ZNF616: variants seen among roughly 807,000 people sequenced by gnomAD.
ZNF616 encodes the protein zinc finger protein 616.
ZNF616 carries 5 observed loss-of-function variants against 7.6 expected under a neutral mutation model. The ratio of observed to expected loss-of-function variants is 0.66; its 90% CI spans 0.34 to 1.38. The LOEUF is 1.38. Among genes scored for constraint, ZNF616 ranks in the 40% most tolerant of loss-of-function variants. ZNF616 has a pLI of 0.04. For synonymous variants in ZNF616, 319 were observed against 317.2 expected, an observed-to-expected ratio of 1.01 and a Z score of -0.06; for missense variants, 913 against 948.3, an observed-to-expected ratio of 0.96 and a Z score of 0.49.
Position 52,124,003 on chromosome 19 carries a change from T to C in ZNF616, c.59A>G (p.Glu20Gly). Reference sequence around the variant, plus strand: ...CTGCACAGGCTCCAGGCATTTCCACTCCTCCTGAGAGAATTCTATGGCTAC... The same window carrying C: ...CTGCACAGGCTCCAGGCATTTCCACCCCTCCTGAGAGAATTCTATGGCTAC... ...KDVAIEFSQE[E>G]WKCLEPVQKA... The change falls in exon 3 of 4, where the codon GAG becomes GGG. Residue 20 changes from glutamate to glycine, a missense_variant. Coordinates refer to ENST00000600228, the MANE Select transcript of ZNF616 (RefSeq NM_178523.5). 14 of 1,613,340 alleles carry C rather than the reference T, an allele frequency of 8.7e-6. No individual in the cohort carries two copies. Among genetic ancestry groups the C allele is most frequent in the Non-Finnish European group, 1.2e-5 (14 of 1,179,854 alleles).
intron 2 of ZNF616, among the ~76,000 whole-genome samples, chr19:52,125,046 T>C (rs1228854595): frequency 1.3e-5 from 2 of 152,100 alleles, no homozygotes; most frequent in Admixed American, 6.6e-5. Flanking sequence ...CTCATAATAC[T>C]TGGAGATTGG....
intron 1 of ZNF616, among the ~76,000 whole-genome samples, chr19:52,134,057 G>A (rs1354282536): frequency 6.6e-6 from 1 of 152,058 alleles, no homozygotes; most frequent in South Asian, 2.1e-4. Context: ...GCATTATTTT[G>A]TTCATTTTTA....
At position 52,120,759 on chromosome 19, in the gene ZNF616, A is replaced by C. The variant is rs141930269; in HGVS notation, c.139+3164T>G. Among the ~76,000 whole-genome samples, 17 of 152,346 alleles carry C rather than the reference A, an allele frequency of 1.1e-4. No homozygotes were observed. The East Asian group carries it at 3.1e-3, about 28-fold the overall frequency. On this transcript the variant is annotated intron_variant, in intron 3 of 3. Coordinates refer to ENST00000600228, the MANE Select transcript of ZNF616 (RefSeq NM_178523.5). ...ATAATTAAAGGGTTAATTCACTAGAAGATATACCAATTATAGTTATATATG... is the reference window on the plus strand; with the variant it reads ...ATAATTAAAGGGTTAATTCACTAGACGATATACCAATTATAGTTATATATG...
chr19:52,133,390 T>C (rs1477210013), intron 1 of ZNF616, among the ~76,000 whole-genome samples: 1 of 152,200 alleles, frequency 6.6e-6, no homozygotes, highest in Non-Finnish European at 1.5e-5. Context: ...TTACACTTTA[T>C]AATAGGCCAA....
intron 3 of ZNF616, among the ~76,000 whole-genome samples, chr19:52,117,265 A>G (rs2088834002): frequency 6.6e-6 from 1 of 152,228 alleles, no homozygotes; most frequent in African/African-American, 2.4e-5. Context: ...TCCTATGACC[A>G]AAAGACTTAT....
At position 52,139,757 on chromosome 19, in the gene ZNF616, G is replaced by T. The variant is rs1217429875; in HGVS notation, c.-102C>A. On this transcript the variant is annotated 5_prime_UTR_variant, in exon 1 of 4. Transcript: ENST00000600228. This position sits in a 1 kb window ranked among gnomAD's most constrained non-coding sequence, Gnocchi z 4.1. ...GTGGGGAGAAGTGCCTGTTGCAGGG[G>T]CGAAGGGGCTATGGGTATTTTAAGG... 1.3e-5 allele frequency: 2 copies of T among 152,380 alleles called. No homozygotes were observed. Among genetic ancestry groups the T allele is most frequent in the Admixed American group, 6.5e-5 (1 of 15,270 alleles). The allele number at this position is 152,380 out of a possible 1,614,324, so 9.4% of individuals were successfully genotyped here. A position where few individuals can be genotyped will look rare whatever the true frequency, so the allele number is the denominator to read the frequency against.
rs141852806 is a variant in ZNF616, at chr19:52,116,900, C to A, written c.264G>T (p.Arg88Ser). ...GGTCATGTAGATGTTTCTGTATTTC[C>A]CTGAAGTATAAATTTTCAATATCAT... ...QSYDIENLYF[R>S]EIQKHLHDLE... Residue 88 changes from arginine (R) to serine (S), a missense_variant, in exon 4 of 4, where the codon AGG becomes AGT. Transcript: ENST00000600228. 6.2e-7 allele frequency: 1 copy of A among 1,613,802 alleles called. No homozygotes were observed. Among genetic ancestry groups the A allele is most frequent in the South Asian group, 1.1e-5 (1 of 91,008 alleles).
At position 52,115,793 on chromosome 19, in the gene ZNF616, T is replaced by A; in HGVS notation, c.1371A>T (p.Arg457Ser). ...SKHSHLAVHWRIHTGEKAYKC... is the reference protein window; with the variant it reads ...SKHSHLAVHWSIHTGEKAYKC... ...TATAAGCTTTCTCGCCGGTATGAAT[T>A]CTCCAATGCACTGCAAGATGTGAAT... Residue 457 changes from arginine to serine, a missense_variant, in exon 4 of 4, where the codon AGA (arginine) becomes AGT (serine). By Grantham distance (110) the Arg-to-Ser change is moderately radical. Transcript: ENST00000600228. The A allele has an allele frequency of 6.2e-7, 1 of 1,609,064 alleles. No individual in the cohort carries two copies. The highest frequency in any genetic ancestry group is 8.5e-7 in the Non-Finnish European group (1 of 1,177,812).
intron 1 of ZNF616, chr19:52,138,374 T>G (rs1380648207): frequency 2.6e-5 from 4 of 152,162 alleles, no homozygotes; most frequent in Admixed American, 2.0e-4. Context: ...TTCATCCTCA[T>G]GAGTACAATT....
intron 3 of ZNF616, among the ~76,000 whole-genome samples, chr19:52,122,914 G>A (rs8110162): frequency 0.02 from 3,104 of 152,232 alleles, 111 homozygotes; most frequent in African/African-American, 0.07. Context: ...GATTATAGGC[G>A]TGAGCCACCG....
intron 1 of ZNF616, among the ~76,000 whole-genome samples, chr19:52,136,891 T>C (rs2089013861): frequency 6.6e-6 from 1 of 151,826 alleles, no homozygotes; most frequent in African/African-American, 2.4e-5. Flanking sequence ...AGCGGGACCA[T>C]GTCTCTACTT....
At chr19:52,128,993 G>T (rs1249368593) in intron 2 of ZNF616, among the ~76,000 whole-genome samples, 1 of 151,404 alleles carries the variant, frequency 6.6e-6, no homozygotes, top group Non-Finnish European at 1.5e-5. Flanking sequence ...TTATTTACAG[G>T]CTGGGTGTGG....
At chr19:52,117,912 C>T (rs2088839004) in intron 3 of ZNF616, among the ~76,000 whole-genome samples, 1 of 152,022 alleles carries the variant, frequency 6.6e-6, no homozygotes, top group Non-Finnish European at 1.5e-5. Context: ...ATGCCTACAC[C>T]TATGTAACAA....
chr19:52,128,047 T>C (rs114487063), intron 2 of ZNF616, among the ~76,000 whole-genome samples: 4 of 152,250 alleles, frequency 2.6e-5, no homozygotes, highest in African/African-American at 9.6e-5. Flanking sequence ...TCCTCCAGGT[T>C]GGGTAACTGA....
Position 52,139,181 on chromosome 19 carries a change from A to G in ZNF616, c.-77+551T>C, listed in dbSNP as rs936372278. 6.6e-6 allele frequency among the ~76,000 whole-genome samples: 1 copy of G among 151,774 alleles called. No homozygotes were observed. The highest frequency in any genetic ancestry group is 2.4e-5 in the African/African-American group (1 of 41,268). ...CTCTCCTGATCCCTCTCACCCACAC[A>G]TTCAGGAGGAAAGGGGAGGAATACG... On this transcript the variant is annotated intron_variant, in intron 1 of 3. Transcript: ENST00000600228. This position sits in a 1 kb window ranked among gnomAD's most constrained non-coding sequence, Gnocchi z 4.1.
At chr19:52,117,135 G>C in intron 3 of ZNF616, 111 bp from the exon 4 acceptor site, 1 of 876,782 alleles carries the variant, frequency 1.1e-6, no homozygotes, top group South Asian at 2.4e-5. Context: ...CTAGACAGGT[G>C]TGAGAGTTCT....
chr19:52,130,644 G>A, intron 1 of ZNF616, 56 bp from the exon 2 acceptor site: 6 of 1,359,632 alleles, frequency 4.4e-6, no homozygotes, highest in Non-Finnish European at 6.0e-6. Context: ...TCCTTTCTGT[G>A]TCACAACCAT....
chr19:52,138,470 T>C (rs1365634622), intron 1 of ZNF616: 1 of 152,190 alleles, frequency 6.6e-6, no homozygotes, highest in African/African-American at 2.4e-5. Context: ...TCACAGCTCA[T>C]CTGGGTGGGG....
Position 52,116,169 on chromosome 19 carries a change from T to G in ZNF616, c.995A>C (p.Lys332Thr). The change falls in exon 4 of 4, where the codon AAA (lysine) becomes ACA (threonine). Residue 332 changes from lysine (K) to threonine (T), a missense_variant. Transcript: ENST00000600228. ...ERPFKCNECGKTFKRSSNLTV... is the reference protein window; with the variant it reads ...ERPFKCNECGTTFKRSSNLTV... ...GAGGTTTGAGCTCCGTTTAAAGGTT[T>G]TGCCACACTCATTACATTTGAAGGG... The G allele has an allele frequency of 1.2e-6, 2 of 1,614,190 alleles. No individual in the cohort carries two copies. Among genetic ancestry groups the G allele is most frequent in the Non-Finnish European group, 1.7e-6 (2 of 1,180,038 alleles).
Sources: gnomAD v4.1 joint callset for allele counts (sites outside exome capture counted in the v4.1 genomes callset) on GRCh38, gnomAD v4.1.1 for gene constraint, Gnocchi (gnomAD v3.1) non-coding constraint, MANE v1.5 for transcripts, NCBI Gene and HGNC (gene_info 2026-07-23, HGNC 2026-07-21) for gene names.